Variants in RBPJ observed in about 807,000 individuals in gnomAD.
The protein encoded by RBPJ is recombination signal binding protein for immunoglobulin kappa J region, also known as recombining binding protein suppressor of hairless.
A neutral mutation model predicts 67.8 loss-of-function variants in RBPJ; 9 were observed. That is an observed-to-expected ratio of 0.13 (90% CI 0.08 to 0.23). RBPJ has a LOEUF of 0.23. Among genes scored for constraint, RBPJ ranks in the 10% least tolerant of loss-of-function variants. RBPJ has a pLI of 1.00. For missense variants in RBPJ, 305 were observed against 595.6 expected (o/e 0.51, Z 5.08); for synonymous variants, 198 against 203.3 (o/e 0.97, Z 0.22).
At position 26,294,393 on chromosome 4, in the gene RBPJ, G is replaced by A. The variant is rs142793371; in HGVS notation, c.-166-68053G>A. Among the ~76,000 whole-genome samples the A allele has an allele frequency of 1.8e-3, 273 of 152,218 alleles. 1 individual carries two copies. The highest frequency in any genetic ancestry group is 6.1e-3 in the African/African-American group (253 of 41,542). On this transcript the variant is annotated intron_variant, in intron 1 of 4. Coordinates refer to the RBPJ transcript ENST00000512351. ...AATACAGGCATGAGCCATCACGCCC[G>A]GCTGGGAAGTTTTAAATTTAGGAGT...
chr4:26,238,358 G>A (rs1719519062), intron 1 of RBPJ, among the ~76,000 whole-genome samples: 1 of 152,166 alleles, frequency 6.6e-6, no homozygotes, highest in African/African-American at 2.4e-5. Flanking sequence ...CACCATGCTT[G>A]GCTCAACCAA....
the RBPJ span, among the ~76,000 whole-genome samples, chr4:26,130,346 T>G: frequency 2.6e-5 from 4 of 152,222 alleles, no homozygotes; most frequent in Non-Finnish European, 2.9e-5. Context: ...CTTCTCACTA[T>G]GAGTAATTAA....
chr4:26,193,247 C>T (rs1279204237), intron 1 of RBPJ, among the ~76,000 whole-genome samples: 2 of 152,174 alleles, frequency 1.3e-5, no homozygotes, highest in African/African-American at 4.8e-5. Context: ...AATGAAAAGG[C>T]ATGTATCAGT....
chr4:26,299,835 C>A (rs1355368369), intron 1 of RBPJ, among the ~76,000 whole-genome samples: 3 of 151,722 alleles, frequency 2.0e-5, no homozygotes, highest in Admixed American at 2.0e-4. Flanking sequence ...CCTGCCACCA[C>A]GCCTGACTAA....
intron 1 of RBPJ, among the ~76,000 whole-genome samples, chr4:26,340,020 A>T (rs1350626822): frequency 6.6e-6 from 1 of 152,102 alleles, no homozygotes; most frequent in Non-Finnish European, 1.5e-5. Flanking sequence ...CTCCATCTAA[A>T]AAAAAAAAAG....
chr4:26,116,318 T>C, the RBPJ span, among the ~76,000 whole-genome samples: 1 of 152,250 alleles, frequency 6.6e-6, no homozygotes, highest in Admixed American at 6.5e-5. Flanking sequence ...GTCCTCATTA[T>C]ATGGAATGCC....
chr4:26,435,004 A>G (rs1039817533), downstream of RBPJ: 9 of 152,208 alleles, frequency 5.9e-5, no homozygotes, highest in African/African-American at 2.2e-4. Context: ...TAAATTCTAT[A>G]TTATAGTTGG....
At chr4:26,317,168 G>A (rs1262145149), upstream of RBPJ, among the ~76,000 whole-genome samples, 1 of 151,656 alleles carries the variant, frequency 6.6e-6, no homozygotes, top group Non-Finnish European at 1.5e-5. Context: ...TGTTATGTTA[G>A]TTAATGATAG....
At chr4:26,136,837 G>A in the RBPJ span, among the ~76,000 whole-genome samples, 1 of 152,136 alleles carries the variant, frequency 6.6e-6, no homozygotes, top group Admixed American at 6.5e-5. Flanking sequence ...GAGGGGCTGG[G>A]ACTATTATTT....
At chr4:26,308,882 G>A (rs553333198) in intron 1 of RBPJ, among the ~76,000 whole-genome samples, 8 of 152,106 alleles carry the variant, frequency 5.3e-5, no homozygotes, top group Non-Finnish European at 7.3e-5. Context: ...AGTAACATAG[G>A]CCAGAGAAGA....
intron 5 of RBPJ, among the ~76,000 whole-genome samples, chr4:26,421,501 G>A (rs958412594): frequency 2.6e-5 from 4 of 151,840 alleles, no homozygotes; most frequent in Admixed American, 6.6e-5. Flanking sequence ...ATGAGGTTTC[G>A]CCATTTGGCC....
At chr4:26,412,183 G>A (rs796308277) in intron 3 of RBPJ, among the ~76,000 whole-genome samples, 12 of 151,542 alleles carry the variant, frequency 7.9e-5, no homozygotes, top group African/African-American at 2.9e-4. Flanking sequence ...TGGCATATAG[G>A]TTGCGCATTC....
the RBPJ span, among the ~76,000 whole-genome samples, chr4:26,124,301 A>G: frequency 2.0e-5 from 3 of 151,336 alleles, no homozygotes; most frequent in African/African-American, 2.4e-5. Flanking sequence ...AGAACATGCA[A>G]TGCTTGGTTT....
upstream of RBPJ, among the ~76,000 whole-genome samples, chr4:26,160,758 A>G (rs1321973980): frequency 6.6e-6 from 1 of 152,206 alleles, no homozygotes; most frequent in Non-Finnish European, 1.5e-5. Flanking sequence ...AAAGCTGAGT[A>G]GGGTCTAATG....
the RBPJ span, among the ~76,000 whole-genome samples, chr4:26,107,399 A>G: frequency 6.6e-6 from 1 of 152,222 alleles, no homozygotes; most frequent in Non-Finnish European, 1.5e-5. Flanking sequence ...CCAGAAGAGC[A>G]GTGCCTCTCC....
At chr4:26,163,942 C>T (rs542523374) in intron 1 of RBPJ, among the ~76,000 whole-genome samples, 43 of 152,396 alleles carry the variant, frequency 2.8e-4, no homozygotes, top group African/African-American at 9.9e-4. Flanking sequence ...CATGTCTCCT[C>T]ATAGTTTTCT....
At chr4:26,339,300 G>A (rs1236812229) in intron 1 of RBPJ, among the ~76,000 whole-genome samples, 1 of 152,154 alleles carries the variant, frequency 6.6e-6, no homozygotes, top group African/African-American at 2.4e-5. Context: ...TTACCTGCGA[G>A]TTGGTAGGAG....
intron 1 of RBPJ, among the ~76,000 whole-genome samples, chr4:26,251,304 T>C (rs1315256280): frequency 2.0e-5 from 3 of 152,012 alleles, no homozygotes; most frequent in Admixed American, 6.6e-5. Flanking sequence ...ATAAAAGTGG[T>C]AGCAAAACTG....
chr4:26,297,982 A>C (rs1721941574), intron 1 of RBPJ, among the ~76,000 whole-genome samples: 2 of 152,174 alleles, frequency 1.3e-5, no homozygotes, highest in South Asian at 4.1e-4. Context: ...TACTATTTTA[A>C]AATTCAGGGT....
Sources: allele counts gnomAD v4.1 joint callset (sites outside exome capture counted in the v4.1 genomes callset), GRCh38; gene constraint gnomAD v4.1.1; transcripts MANE v1.5; gene names NCBI Gene and HGNC (gene_info 2026-07-23, HGNC 2026-07-21).